Variants in HTT observed in about 807,000 individuals in gnomAD.
The protein encoded by HTT is huntington disease protein.
Under a neutral mutation model 362.3 loss-of-function variants are expected in HTT, and 104 were observed. The ratio of observed to expected loss-of-function variants is 0.29; its 90% CI spans 0.24 to 0.34. The LOEUF (loss-of-function observed/expected upper bound fraction) is 0.34, where lower values mean the gene tolerates loss of function less well. Among genes scored for constraint, HTT ranks in the 10% least tolerant of loss-of-function variants. HTT has a pLI of 1.00. For synonymous variants in HTT, 1,577 were observed against 1,548.7 expected (o/e 1.02, Z -0.43); for missense variants, 3,301 against 3,928.6 (o/e 0.84, Z 4.27).
rs1385870702 is a variant in HTT at position 3,099,518 on chromosome 4, ATGTATGGTTTGGAGGTGCTCTGT to A, written c.468+169_468+191del. 9.8e-5 allele frequency: 132 copies of A among 1,348,160 alleles called. 1 individual carries two copies. Among genetic ancestry groups the A allele is most frequent in the South Asian group, 7.9e-4 (58 of 72,990 alleles). 83.5% of individuals were successfully genotyped at this position (1,348,160 alleles called of 1,614,324 possible). A position where few individuals can be genotyped will look rare whatever the true frequency, so the allele number is the denominator to read the frequency against. On this transcript the variant is annotated intron_variant, in intron 3 of 66. Coordinates refer to ENST00000355072, the MANE Select transcript of HTT (RefSeq NM_001388492.1). ...GATGTCTGCACTTTTTTCCTTTCTG[ATGTATGGTTTGGAGGTGCTCTGT>A]TGTATGGTTTGGAGGTGCTCTGTTG...
At chr4:3,094,604 C>A (rs1186673079) in intron 2 of HTT, among the ~76,000 whole-genome samples, 1 of 142,840 alleles carries the variant, frequency 7.0e-6, no homozygotes, top group Middle Eastern at 3.7e-3. Flanking sequence ...ACCTCCCGGA[C>A]GGGGCGGCTG....
chr4:3,219,548 G>C (rs561219202), intron 52 of HTT, among the ~76,000 whole-genome samples: 21 of 152,270 alleles, frequency 1.4e-4, no homozygotes, highest in African/African-American at 5.1e-4. Context: ...AGATTAGCTG[G>C]TCATTATCAT....
chr4:3,211,844 CT>C, intron 47 of HTT, 84 bp from the exon 48 acceptor site: 1 of 996,388 alleles, frequency 1.0e-6, no homozygotes, highest in Non-Finnish European at 1.6e-6. Flanking sequence ...TTGCCTTATT[CT>C]TTTTTCTGTT....
intron 52 of HTT, among the ~76,000 whole-genome samples, chr4:3,219,274 G>C (rs1243519637): frequency 6.6e-6 from 1 of 152,188 alleles, no homozygotes; most frequent in Non-Finnish European, 1.5e-5. Flanking sequence ...TGCTCCTTTG[G>C]AGGGGCTCGT....
chr4:3,101,563 G>A (rs772492712), intron 3 of HTT, among the ~76,000 whole-genome samples: 3 of 152,228 alleles, frequency 2.0e-5, no homozygotes, highest in Non-Finnish European at 4.4e-5. Context: ...GCATGGTCAC[G>A]TAGCCTTCAG....
At chr4:3,230,217 G>A (rs1005378762) in intron 60 of HTT, among the ~76,000 whole-genome samples, 175 bp downstream of exon 60, 14 of 152,224 alleles carry the variant, frequency 9.2e-5, no homozygotes, top group African/African-American at 3.4e-4. Flanking sequence ...GGGGTTCAGC[G>A]ACGGTCAGTG....
Position 3,220,886 on chromosome 4 carries a change from A to G in HTT, c.7369+578A>G, listed in dbSNP as rs191141454. On this transcript the variant is annotated intron_variant, in intron 53 of 66. Transcript: ENST00000355072. ...ACCTCTAGAGACCCTCAGTTTTGTC[A>G]TATGTAAAATGGGGGTCGTGTCTAT... is the stretch of plus-strand genomic sequence containing the variant. Among the ~76,000 whole-genome samples, 10 of 152,306 alleles carry G rather than the reference A, an allele frequency of 6.6e-5. No homozygotes were observed. The East Asian group carries it at 1.7e-3, about 26-fold the overall frequency.
At chr4:3,149,284 A>G (rs564825365) in intron 26 of HTT, among the ~76,000 whole-genome samples, 1 of 150,226 alleles carries the variant, frequency 6.7e-6, no homozygotes, top group South Asian at 2.1e-4. Flanking sequence ...AAGATAGACC[A>G]GTTCACATAC....
At chr4:3,115,923 A>G (rs1714998593) in intron 7 of HTT, among the ~76,000 whole-genome samples, 162 bp from the exon 8 acceptor site, 2 of 152,214 alleles carry the variant, frequency 1.3e-5, no homozygotes, top group Non-Finnish European at 2.9e-5. Flanking sequence ...TGAGCTAGGG[A>G]TGTGGGTGTG....
intron 8 of HTT, 68 bp from the exon 9 acceptor site, chr4:3,121,160 C>G: frequency 8.2e-7 from 1 of 1,215,638 alleles, no homozygotes; most frequent in Non-Finnish European, 1.2e-6. Flanking sequence ...TTAAAAACAA[C>G]AAAAAAGTGA....
At position 3,240,109 on chromosome 4, in the gene HTT, G is replaced by C; in HGVS notation, c.*50G>C. 1 of 1,468,904 alleles carries C rather than the reference G, an allele frequency of 6.8e-7. No homozygotes were observed. Among genetic ancestry groups the C allele is most frequent in the South Asian group, 1.2e-5 (1 of 82,064 alleles). The allele number at this position is 1,468,904 out of a possible 1,614,324, so 91.0% of individuals were successfully genotyped here. The stretch of plus-strand genomic sequence containing the variant: ...GGCGGCAGCTGGGGCCGGAGCCTTT[G>C]GAAGTCTGCGCCCTTGTGCCCTGCC... On this transcript the variant is annotated 3_prime_UTR_variant, in exon 67 of 67. Coordinates refer to ENST00000355072, the MANE Select transcript of HTT (RefSeq NM_001388492.1).
intron 5 of HTT, among the ~76,000 whole-genome samples, chr4:3,106,820 G>A (rs1363944135): frequency 6.6e-6 from 1 of 152,112 alleles, no homozygotes; most frequent in Admixed American, 6.5e-5. Context: ...CCTCGCACCC[G>A]GCCTGCCCTG....
At chr4:3,121,134 T>C (rs1283545166) in intron 8 of HTT, 94 bp from the exon 9 acceptor site, 2 of 795,322 alleles carry the variant, frequency 2.5e-6, no homozygotes, top group Non-Finnish European at 4.2e-6. Flanking sequence ...GTATAAACTT[T>C]GTCAATGAAG....
intron 27 of HTT, among the ~76,000 whole-genome samples, 198 bp downstream of exon 27, chr4:3,154,617 T>C (rs363101): frequency 0.2 from 31,134 of 152,188 alleles, 5,118 homozygotes; most frequent in African/African-American, 0.46. Flanking sequence ...TCTGAAGCAT[T>C]TCTAAGTGCC....
intron 3 of HTT, 140 bp from the exon 4 acceptor site, chr4:3,103,684 C>T: frequency 1.6e-6 from 1 of 611,994 alleles, no homozygotes; most frequent in Non-Finnish European, 3.0e-6. Context: ...TTGTTTCTTT[C>T]ATTCTTAATG....
intron 1 of HTT, among the ~76,000 whole-genome samples, chr4:3,080,527 TA>T (rs1348560576): frequency 6.6e-6 from 1 of 152,228 alleles, no homozygotes; most frequent in Non-Finnish European, 1.5e-5. Flanking sequence ...AGATGATTTG[TA>T]AAAACTCTCC....
intron 42 of HTT, among the ~76,000 whole-genome samples, chr4:3,204,429 T>A (rs1216795564): frequency 6.6e-6 from 1 of 152,228 alleles, no homozygotes; most frequent in African/African-American, 2.4e-5. Context: ...TACATGATGC[T>A]GGGTATGTTT....
chr4:3,145,232 T>C lies in HTT; in HGVS notation c.3143+4T>C. On this transcript the variant is annotated splice_donor_region_variant and intron_variant, in intron 24 of 66. Transcript: ENST00000355072. The stretch of plus-strand genomic sequence containing the variant: ...GGAGTTTAGGTTGGCACTGTGGGTA[T>C]GTATTTTCCTCAGTATATATTAATA... 6.3e-7 allele frequency: 1 copy of C among 1,582,456 alleles called. No individual in the cohort carries two copies.
chr4:3,091,651 G>A (rs1055587617), intron 2 of HTT, among the ~76,000 whole-genome samples: 17 of 152,206 alleles, frequency 1.1e-4, no homozygotes, highest in Admixed American at 1.0e-3. Context: ...GAACTGTGAC[G>A]AGTAAGTGCT....
Sources: allele counts gnomAD v4.1 joint callset (sites outside exome capture counted in the v4.1 genomes callset), GRCh38; gene constraint gnomAD v4.1.1; transcripts MANE v1.5; gene names NCBI Gene and HGNC (gene_info 2026-07-23, HGNC 2026-07-21).